The following ADK variants were observed in gnomAD, a reference collection of about 807,000 sequenced individuals.
ADK encodes N6,N6-dimethyladenosine kinase.
A neutral mutation model predicts 44.7 loss-of-function variants in ADK; 24 were observed. That is an observed-to-expected ratio of 0.54 (90% confidence interval 0.39 to 0.76). ADK has a LOEUF of 0.76. Among genes scored for constraint, ADK ranks in the 30% least tolerant of loss-of-function variants. The pLI is 0.00. For missense variants in ADK, 321 were observed against 425.1 expected (o/e 0.76, Z 2.15); for synonymous variants, 128 against 142.6 (o/e 0.90, Z 0.73).
intron 4 of ADK, among the ~76,000 whole-genome samples, chr10:74,348,329 C>T (rs1001711911): frequency 2.6e-5 from 4 of 152,134 alleles, no homozygotes; most frequent in Non-Finnish European, 5.9e-5. Context: ...TGCAGCAGAC[C>T]TGCAGAAGAG....
chr10:74,344,315 A>T (rs1327296507), intron 4 of ADK, among the ~76,000 whole-genome samples: 1 of 152,222 alleles, frequency 6.6e-6, no homozygotes, highest in Non-Finnish European at 1.5e-5. Context: ...TATGCTGCTG[A>T]ATCTTAAGGC....
chr10:74,356,962 T>C (rs1418145087), intron 4 of ADK, among the ~76,000 whole-genome samples: 2 of 152,224 alleles, frequency 1.3e-5, no homozygotes, highest in African/African-American at 4.8e-5. Flanking sequence ...GGAGATTTGC[T>C]TATATTTGAG....
At chr10:74,318,465 A>T (rs1031689700) in intron 4 of ADK, among the ~76,000 whole-genome samples, 4 of 152,186 alleles carry the variant, frequency 2.6e-5, no homozygotes, top group African/African-American at 4.8e-5. Flanking sequence ...CCTGGCTCAA[A>T]TGGCTCATTT....
intron 4 of ADK, among the ~76,000 whole-genome samples, chr10:74,381,836 C>A (rs911803421): frequency 3.9e-5 from 6 of 152,142 alleles, no homozygotes; most frequent in Non-Finnish European, 5.9e-5. Context: ...TTGACTTGAC[C>A]TTTGCCTTAC....
At chr10:74,511,044 G>C (rs1195951134) in intron 6 of ADK, among the ~76,000 whole-genome samples, 1 of 152,166 alleles carries the variant, frequency 6.6e-6, no homozygotes, top group Non-Finnish European at 1.5e-5. Context: ...TGCATGCAGT[G>C]AGAGGTAGAA....
rs11447835 is a variant in ADK, at chr10:74,601,939, G to GA, written c.877+1460dup. ...GACTTCATCTCTACAAAAAAAAATG[G>GA]AAAAAAAAAAAAAATTAGCTGAGAG... On this transcript the variant is annotated intron_variant, in intron 9 of 10. Transcript: ENST00000539909. 2.4e-3 allele frequency among the ~76,000 whole-genome samples: 336 copies of GA among 139,216 alleles called. 2 individuals carry two copies. The highest frequency in any genetic ancestry group is 7.2e-3 in the South Asian group (32 of 4,446). The allele number at this position is 139,216 out of a possible 152,430, so 91.3% of individuals were successfully genotyped here. A position where few individuals can be genotyped will look rare whatever the true frequency, so the allele number is the denominator to read the frequency against.
chr10:74,323,838 G>C (rs1488676967), intron 4 of ADK, among the ~76,000 whole-genome samples: 1 of 152,036 alleles, frequency 6.6e-6, no homozygotes. Context: ...CCAAAGTGCT[G>C]GGATTACAGG....
rs56052959 is a variant in ADK at position 74,312,914 on chromosome 10, CAAAAAA to C, written c.195-1732_195-1727del. Among the ~76,000 whole-genome samples the C allele has an allele frequency of 5.2e-3, 196 of 37,836 alleles. 1 individual carries two copies. The highest frequency in any genetic ancestry group is 0.012 in the African/African-American group (125 of 10,218). 24.8% of individuals were successfully genotyped at this position (37,836 alleles called of 152,430 possible). ...GGATGAAAAAGGAAGATTCTGTCTC[CAAAAAA>C]AAAAAAAAAAAAAAAAAAAAGTTAA... On this transcript the variant is annotated intron_variant, in intron 3 of 10. Coordinates refer to ENST00000539909, the MANE Select transcript of ADK (RefSeq NM_006721.4).
intron 6 of ADK, among the ~76,000 whole-genome samples, chr10:74,474,441 C>CT (rs1447224837): frequency 6.6e-6 from 1 of 151,844 alleles, no homozygotes; most frequent in African/African-American, 2.4e-5. Context: ...CTTTTCTTTT[C>CT]TTTCTTTCTT....
At chr10:74,507,822 A>G (rs1403067821) in intron 6 of ADK, among the ~76,000 whole-genome samples, 1 of 152,192 alleles carries the variant, frequency 6.6e-6, no homozygotes, top group African/African-American at 2.4e-5. Flanking sequence ...TAAGTAAAAT[A>G]AAATAATTAC....
chr10:74,222,274 T>G (rs1260135035), intron 2 of ADK, among the ~76,000 whole-genome samples: 1 of 152,120 alleles, frequency 6.6e-6, no homozygotes, highest in Non-Finnish European at 1.5e-5. Context: ...TCACCATCAC[T>G]GGCCATCAGA....
chr10:74,686,518 G>A (rs1489556105), intron 10 of ADK, among the ~76,000 whole-genome samples: 1 of 152,126 alleles, frequency 6.6e-6, no homozygotes, highest in Non-Finnish European at 1.5e-5. Context: ...GACACCAAAT[G>A]CCAACAGCTT....
intron 2 of ADK, among the ~76,000 whole-genome samples, chr10:74,211,666 C>T (rs1001837633): frequency 1.3e-5 from 2 of 152,140 alleles, no homozygotes; most frequent in African/African-American, 4.8e-5. Context: ...TGTATCTGTG[C>T]TATCCAACAT....
At chr10:74,527,652 G>T in intron 7 of ADK, 1 of 853,724 alleles carries the variant, frequency 1.2e-6, no homozygotes, top group Non-Finnish European at 2.1e-6. Context: ...TGAATATTTT[G>T]GCATCTTCAG....
intron 3 of ADK, among the ~76,000 whole-genome samples, chr10:74,284,826 T>TCAA (rs879798982): frequency 1.3e-5 from 2 of 152,264 alleles, no homozygotes; most frequent in Non-Finnish European, 2.9e-5. Flanking sequence ...CAGGACTTCC[T>TCAA]CAAATTCGTC....
chr10:74,342,744 G>A (rs183876662), intron 4 of ADK, among the ~76,000 whole-genome samples: 5 of 148,810 alleles, frequency 3.4e-5, no homozygotes, highest in East Asian at 2.0e-4. Flanking sequence ...CAAAGTTTTG[G>A]GATTATAGGC....
At chr10:74,402,129 C>T (rs1281943799) in intron 6 of ADK, among the ~76,000 whole-genome samples, 1 of 152,160 alleles carries the variant, frequency 6.6e-6, no homozygotes, top group Non-Finnish European at 1.5e-5. Flanking sequence ...TGATGGGCTT[C>T]CCTTTGTGAG....
intron 6 of ADK, among the ~76,000 whole-genome samples, chr10:74,493,569 A>G (rs1395496874): frequency 4.6e-5 from 7 of 151,434 alleles, no homozygotes; most frequent in Non-Finnish European, 7.4e-5. Context: ...GTATATATAT[A>G]GATGAGGTCT....
In ADK at chr10:74,682,575, C is replaced by CTTTTCT. The variant is rs761506176; in HGVS notation, c.964+12310_964+12311insCTTTTT. Reference sequence around the variant, plus strand: ...CTTTAGTTTTCTTTTCTTTTCTTTTCTTTTTTTTTTTTTTTTGAGACGGAG... The same window carrying CTTTTCT: ...CTTTAGTTTTCTTTTCTTTTCTTTTCTTTTCTTTTTTTTTTTTTTTTTGAGACGGAG... On this transcript the variant is annotated intron_variant, in intron 10 of 10. Transcript: ENST00000539909. Among the ~76,000 whole-genome samples, 82 of 133,012 alleles carry CTTTTCT rather than the reference C, an allele frequency of 6.2e-4. 1 individual carries two copies. The highest frequency in any genetic ancestry group is 2.1e-3 in the African/African-American group (72 of 34,138). The allele number at this position is 133,012 out of a possible 152,430, so 87.3% of individuals were successfully genotyped here. A position where few individuals can be genotyped will look rare whatever the true frequency, so the allele number is the denominator to read the frequency against.
Sources: allele counts gnomAD v4.1 joint callset (sites outside exome capture counted in the v4.1 genomes callset), GRCh38; gene constraint gnomAD v4.1.1; transcripts MANE v1.5; gene names NCBI Gene and HGNC (gene_info 2026-07-23, HGNC 2026-07-21).